NRXN1: variants seen among roughly 807,000 people sequenced by gnomAD.
NRXN1 encodes the protein neurexin 1.
Under a neutral mutation model 150.9 loss-of-function variants are expected in NRXN1, and 39 were observed. That is an observed-to-expected ratio of 0.26 (90% CI 0.20 to 0.34). The LOEUF is 0.34. Among genes scored for constraint, NRXN1 ranks in the 10% least tolerant of loss-of-function variants. NRXN1 has a pLI of 1.00. For synonymous variants in NRXN1, 924 were observed against 757.0 expected (o/e 1.22, Z -3.62); for missense variants, 1,815 against 1,949.9 (o/e 0.93, Z 1.30).
intron 5 of NRXN1, among the ~76,000 whole-genome samples, chr2:50,789,208 C>T (rs73933055): frequency 6.6e-6 from 1 of 152,116 alleles, no homozygotes; most frequent in African/African-American, 2.4e-5. Context: ...ACTGCTTGGA[C>T]CCAAAACCTG....
chr2:51,026,494 G>T (rs1335781728), intron 2 of NRXN1: 2 of 1,509,704 alleles, frequency 1.3e-6, no homozygotes, highest in Non-Finnish European at 1.8e-6. Context: ...AGAGAACTTA[G>T]GTATGACTTT....
intron 13 of NRXN1, among the ~76,000 whole-genome samples, chr2:50,501,561 G>A (rs1053304855): frequency 6.6e-6 from 1 of 151,982 alleles, no homozygotes; most frequent in African/African-American, 2.4e-5. Flanking sequence ...ATGAAGGAAG[G>A]GAATGATGAT....
chr2:49,928,925 C>T (rs1669632495), intron 22 of NRXN1, among the ~76,000 whole-genome samples: 1 of 152,126 alleles, frequency 6.6e-6, no homozygotes. Context: ...TGAGAGAGGA[C>T]ATGTCTGACA....
chr2:49,994,164 T>G (rs1682517947), intron 21 of NRXN1, among the ~76,000 whole-genome samples: 1 of 152,194 alleles, frequency 6.6e-6, no homozygotes, highest in Non-Finnish European at 1.5e-5. Context: ...TTAATGCCTA[T>G]GAAGACTCAT....
rs528816127 is a variant in NRXN1, at chr2:49,958,482, C to G, written c.4129-14691G>C. On this transcript the variant is annotated intron_variant, in intron 21 of 22. Coordinates refer to ENST00000401669, the MANE Select transcript of NRXN1 (RefSeq NM_001330078.2). ...GCAGTTGTTATCACGCCTCTGCCATCTGGGTTTGTCCTTTTCCTTCCCGCA... is the reference window on the plus strand; with the variant it reads ...GCAGTTGTTATCACGCCTCTGCCATGTGGGTTTGTCCTTTTCCTTCCCGCA... Among the ~76,000 whole-genome samples the G allele has an allele frequency of 1.6e-3, 247 of 152,140 alleles. 1 individual carries two copies. The highest frequency in any genetic ancestry group is 3.1e-3 in the Non-Finnish European group (210 of 68,034).
intron 17 of NRXN1, among the ~76,000 whole-genome samples, chr2:50,408,496 T>A (rs1372627012): frequency 6.6e-6 from 1 of 152,200 alleles, no homozygotes; most frequent in African/African-American, 2.4e-5. Context: ...CAGTCAGCTG[T>A]AACCACTCTG....
At chr2:50,192,434 G>C (rs2061501908) in intron 18 of NRXN1, among the ~76,000 whole-genome samples, 1 of 152,060 alleles carries the variant, frequency 6.6e-6, no homozygotes, top group Non-Finnish European at 1.5e-5. Flanking sequence ...ATACTATGTA[G>C]CAATTTATAA....
intron 21 of NRXN1, 37 bp downstream of exon 21, chr2:50,053,234 T>A: frequency 6.2e-7 from 1 of 1,601,804 alleles, no homozygotes; most frequent in Non-Finnish European, 8.6e-7. Flanking sequence ...ATAAATAATA[T>A]AGGATGAAAA....
Position 50,347,486 on chromosome 2 carries a change from C to T in NRXN1, c.3365-110516G>A, listed in dbSNP as rs2078110839. ...AGAAGCAGACCCCATGGAATCCAGGCGCCCCTTCCCTCCATTCAGCCCCGG... is the reference window on the plus strand; with the variant it reads ...AGAAGCAGACCCCATGGAATCCAGGTGCCCCTTCCCTCCATTCAGCCCCGG... On this transcript the variant is annotated intron_variant, in intron 17 of 22. Coordinates refer to ENST00000401669, the MANE Select transcript of NRXN1 (RefSeq NM_001330078.2). This position sits in a 1 kb window ranked among gnomAD's most constrained non-coding sequence, Gnocchi z 4.9. The T allele has an allele frequency of 9.4e-7, 1 of 1,063,728 alleles. No homozygotes were observed. 65.9% of individuals were successfully genotyped at this position (1,063,728 alleles called of 1,614,324 possible).
chr2:50,422,955 T>C (rs773525386), intron 17 of NRXN1, among the ~76,000 whole-genome samples: 8 of 152,156 alleles, frequency 5.3e-5, no homozygotes, highest in Non-Finnish European at 1.0e-4. Context: ...AAATATCACT[T>C]TTAACCCACC....
intron 17 of NRXN1, among the ~76,000 whole-genome samples, chr2:50,252,928 T>C (rs1046947881): frequency 6.6e-6 from 1 of 152,170 alleles, no homozygotes; most frequent in African/African-American, 2.4e-5. Context: ...TTTAAAATGG[T>C]TTTTTCTAAT....
chr2:49,973,989 T>C (rs1284126790), intron 21 of NRXN1: 1 of 717,456 alleles, frequency 1.4e-6, no homozygotes, highest in African/African-American at 1.7e-5. Flanking sequence ...CACAGTGCCA[T>C]CTCATATCCA....
intron 5 of NRXN1, among the ~76,000 whole-genome samples, chr2:50,708,819 G>A (rs1435527704): frequency 6.6e-6 from 1 of 152,130 alleles, no homozygotes; most frequent in Admixed American, 6.6e-5. Context: ...TAAGGAGCCA[G>A]AGCAGGGATC....
At chr2:50,070,586 C>T (rs979133917) in intron 19 of NRXN1, among the ~76,000 whole-genome samples, 4 of 151,538 alleles carry the variant, frequency 2.6e-5, no homozygotes, top group South Asian at 2.1e-4. Context: ...CCGGCTAAAA[C>T]GGTGAAACCC....
chr2:50,955,100 G>A (rs180833949), intron 2 of NRXN1, among the ~76,000 whole-genome samples: 101 of 151,974 alleles, frequency 6.6e-4, no homozygotes, highest in African/African-American at 2.0e-3. Context: ...ACACACACAC[G>A]CACACACAAA....
At chr2:50,569,957 C>T (rs966014579) in intron 8 of NRXN1, among the ~76,000 whole-genome samples, 1 of 152,164 alleles carries the variant, frequency 6.6e-6, no homozygotes, top group Non-Finnish European at 1.5e-5. Context: ...AGAATAAACA[C>T]TTGAGACCTT....
intron 15 of NRXN1, among the ~76,000 whole-genome samples, chr2:50,487,427 C>T (rs556948970): frequency 4.6e-5 from 7 of 152,244 alleles, no homozygotes; most frequent in African/African-American, 9.6e-5. Context: ...CAATGGGGGA[C>T]GCTGATTGAC....
chr2:50,990,169 T>C lies in NRXN1; in HGVS notation c.772+37333A>G, dbSNP rs549083564. Reference sequence around the variant, plus strand: ...TTACATTGTGTTCATTAACTTATCATTGAATTGTAAGGGTGTTTGTGTATT... The same window carrying C: ...TTACATTGTGTTCATTAACTTATCACTGAATTGTAAGGGTGTTTGTGTATT... On this transcript the variant is annotated intron_variant, in intron 2 of 22. Transcript: ENST00000401669. Among the ~76,000 whole-genome samples the C allele has an allele frequency of 3.9e-5, 6 of 152,126 alleles. No homozygotes were observed. In the South Asian group the frequency reaches 8.3e-4, roughly 21 times the overall value.
rs111475588 is a variant in NRXN1 at position 50,467,979 on chromosome 2, C to A, written c.3245-2418G>T. On this transcript the variant is annotated intron_variant, in intron 16 of 22. Coordinates refer to ENST00000401669, the MANE Select transcript of NRXN1 (RefSeq NM_001330078.2). The stretch of plus-strand genomic sequence containing the variant: ...ATCCTTATCCCATGGCATTAGAGAT[C>A]AAAAATAATTAGCATATTTTTAAAA... Among the ~76,000 whole-genome samples the A allele has an allele frequency of 1.3e-4, 20 of 151,472 alleles. No homozygotes were observed. The South Asian group carries it at 1.9e-3, about 14-fold the overall frequency.
Sources: allele counts gnomAD v4.1 joint callset (sites outside exome capture counted in the v4.1 genomes callset), GRCh38; gene constraint gnomAD v4.1.1; non-coding constraint Gnocchi (gnomAD v3.1); transcripts MANE v1.5; gene names NCBI Gene and HGNC (gene_info 2026-07-23, HGNC 2026-07-21).